The following HPCAL1 variants were observed in gnomAD, a reference collection of about 807,000 sequenced individuals.
The protein encoded by HPCAL1 is hippocalcin-like protein 1.
HPCAL1 carries 8 observed loss-of-function variants against 17.1 expected under a neutral mutation model. The observed-to-expected ratio is 0.47, with a 90% CI of 0.27 to 0.84. The LOEUF (loss-of-function observed/expected upper bound fraction) is 0.84, where lower values mean the gene tolerates loss of function less well. Ranked by LOEUF, HPCAL1 falls within the 40% of genes least tolerant of loss-of-function variation. The pLI is 0.13. For synonymous variants in HPCAL1, 112 were observed against 111.4 expected, an observed-to-expected ratio of 1.01 and a Z score of -0.03; for missense variants, 165 against 271.1, an observed-to-expected ratio of 0.61 and a Z score of 2.75.
At chr2:10,319,753 A>G (rs1191870137) in intron 1 of HPCAL1, among the ~76,000 whole-genome samples, 2 of 151,232 alleles carry the variant, frequency 1.3e-5, no homozygotes, top group Non-Finnish European at 2.9e-5. Context: ...TCACTCATTC[A>G]CTCATTCATT....
chr2:10,391,909 C>A (rs542031091), intron 1 of HPCAL1, among the ~76,000 whole-genome samples: 1 of 151,688 alleles, frequency 6.6e-6, no homozygotes, highest in African/African-American at 2.4e-5. Flanking sequence ...CCACCACACC[C>A]GGCTAATGTT....
rs879644173 is a variant in HPCAL1 at position 10,387,044 on chromosome 2, G to A, written c.-110-9791G>A. On this transcript the variant is annotated intron_variant, in intron 1 of 4. Transcript: ENST00000307845. Reference sequence around the variant, plus strand: ...CTGGTGCAGTGCTGGTGGCTGTGTCGCCCGGGGCAAGTGGCTCAGAGCCTG... The same window carrying A: ...CTGGTGCAGTGCTGGTGGCTGTGTCACCCGGGGCAAGTGGCTCAGAGCCTG... Among the ~76,000 whole-genome samples, 7 of 152,318 alleles carry A rather than the reference G, an allele frequency of 4.6e-5. No individual in the cohort carries two copies. The East Asian group carries it at 5.8e-4, about 13-fold the overall frequency.
chr2:10,349,383 T>C (rs6719750), intron 1 of HPCAL1, among the ~76,000 whole-genome samples: 94 of 151,972 alleles, frequency 6.2e-4, no homozygotes, highest in African/African-American at 1.8e-3. Flanking sequence ...AGTTGGGTAA[T>C]TGAAAAAGAT....
chr2:10,399,755 G>A (rs1036246427), intron 2 of HPCAL1, among the ~76,000 whole-genome samples: 9 of 152,226 alleles, frequency 5.9e-5, no homozygotes, highest in Middle Eastern at 3.4e-3. Context: ...GCCGCTCCCC[G>A]GGCAGTGGAG....
intron 1 of HPCAL1, among the ~76,000 whole-genome samples, chr2:10,375,326 G>A (rs1213311880): frequency 6.6e-6 from 1 of 152,206 alleles, no homozygotes; most frequent in African/African-American, 2.4e-5. Context: ...GAATTCACCA[G>A]GCAGGACAGG....
At chr2:10,374,171 G>A (rs973907436) in intron 1 of HPCAL1, among the ~76,000 whole-genome samples, 1 of 151,540 alleles carries the variant, frequency 6.6e-6, no homozygotes, top group Non-Finnish European at 1.5e-5. Flanking sequence ...CCCGAGTCTC[G>A]AATCCCCAGT....
Position 10,410,436 on chromosome 2 carries a change from C to CTTTTTTTTTTT in HPCAL1, c.-24-9283_-24-9273dup, listed in dbSNP as rs36002921. On this transcript the variant is annotated intron_variant, in intron 2 of 4. Transcript: ENST00000307845. ...CCTTGTTCCTCTTTTTCTTCTTCTT[C>CTTTTTTTTTTT]TTTTTTTTTTTTTTTTTTTTTTTTT... Among the ~76,000 whole-genome samples, 31 of 77,520 alleles carry CTTTTTTTTTTT rather than the reference C, an allele frequency of 4.0e-4. 1 individual carries two copies. The highest frequency in any genetic ancestry group is 7.6e-4 in the Admixed American group (4 of 5,276). 50.9% of individuals were successfully genotyped at this position (77,520 alleles called of 152,430 possible).
chr2:10,309,261 C>T (rs926383524), intron 1 of HPCAL1, among the ~76,000 whole-genome samples: 4 of 152,054 alleles, frequency 2.6e-5, no homozygotes, highest in East Asian at 1.9e-4. Context: ...CTTGAGCTCC[C>T]GGGCTCAAAT....
intron 2 of HPCAL1, among the ~76,000 whole-genome samples, chr2:10,399,557 T>C (rs999546217): frequency 0.029 from 2,400 of 83,122 alleles, 69 homozygotes; most frequent in Middle Eastern, 0.065. Context: ...CCGCCACCAC[T>C]ACCGCCACCG....
Position 10,321,513 on chromosome 2 carries a change from A to G in HPCAL1, c.-111+18336A>G, listed in dbSNP as rs1021387574. ...TGAAAGTCGCCATTTAAAAATGTAC[A>G]ATTCAGTTGCTTTTAGTATACTGGC... On this transcript the variant is annotated intron_variant, in intron 1 of 4. Coordinates refer to ENST00000307845, the MANE Select transcript of HPCAL1 (RefSeq NM_002149.4). Among the ~76,000 whole-genome samples the G allele has an allele frequency of 2.0e-5, 3 of 152,096 alleles. No homozygotes were observed. The East Asian group carries it at 5.8e-4, about 29-fold the overall frequency.
rs113231486 is a variant in HPCAL1 at position 10,356,011 on chromosome 2, C to T, written c.-110-40824C>T. Among the ~76,000 whole-genome samples the T allele has an allele frequency of 2.5e-3, 374 of 152,260 alleles. 1 individual carries two copies. Among genetic ancestry groups the T allele is most frequent in the Middle Eastern group, 0.01 (3 of 294 alleles). ...CAGCTCAGTAATTCACCCCAGGGACCGCACAGAGCAGGTGGGATGGTATTG... is the reference window on the plus strand; with the variant it reads ...CAGCTCAGTAATTCACCCCAGGGACTGCACAGAGCAGGTGGGATGGTATTG... On this transcript the variant is annotated intron_variant, in intron 1 of 4. Transcript: ENST00000307845.
chr2:10,413,700 G>A (rs946639617), intron 2 of HPCAL1, among the ~76,000 whole-genome samples: 1 of 152,208 alleles, frequency 6.6e-6, no homozygotes. Flanking sequence ...CTTTCTATAC[G>A]CATCTGTGAT....
intron 1 of HPCAL1, among the ~76,000 whole-genome samples, chr2:10,386,095 G>A (rs1178877269): frequency 2.6e-5 from 4 of 152,156 alleles, no homozygotes; most frequent in South Asian, 2.1e-4. Flanking sequence ...TGAACATCTC[G>A]GACTTTCACA....
chr2:10,384,431 C>T lies in HPCAL1; in HGVS notation c.-110-12404C>T, dbSNP rs1158231619. Among the ~76,000 whole-genome samples the T allele has an allele frequency of 6.6e-6, 1 of 152,222 alleles. No individual in the cohort carries two copies. The highest frequency in any genetic ancestry group is 1.5e-5 in the Non-Finnish European group (1 of 68,030). ...GAGCCCAGGTTACCATCTGTGGTGT[C>T]CCCTCGCTCACACTCACTACTGCCC... On this transcript the variant is annotated intron_variant, in intron 1 of 4. Transcript: ENST00000307845. The surrounding 1 kb of genome is among the most constrained non-coding windows in gnomAD (Gnocchi z 4.4).
rs543877794 is a variant in HPCAL1 at position 10,326,514 on chromosome 2, G to A, written c.-111+23337G>A. ...GGGGGGAATTGGCCGCCTGGGGTGC[G>A]TGCTGGCCTGCCTGCCTTCCGCTTC... is the stretch of plus-strand genomic sequence containing the variant. On this transcript the variant is annotated intron_variant, in intron 1 of 4. Transcript: ENST00000307845. Among the ~76,000 whole-genome samples the A allele has an allele frequency of 1.6e-4, 24 of 152,298 alleles. No individual in the cohort carries two copies. In the East Asian group the frequency reaches 2.3e-3, roughly 15 times the overall value.
chr2:10,387,486 G>A (rs538433395), intron 1 of HPCAL1, among the ~76,000 whole-genome samples: 1 of 152,218 alleles, frequency 6.6e-6, no homozygotes, highest in Non-Finnish European at 1.5e-5. Context: ...CCATCTAGGT[G>A]GGCACAGGGA....
At chr2:10,326,489 G>C (rs113005554) in intron 1 of HPCAL1, among the ~76,000 whole-genome samples, 17 of 152,176 alleles carry the variant, frequency 1.1e-4, no homozygotes, top group Admixed American at 3.9e-4. Context: ...GGAGACTTGT[G>C]GGGGGAATTG....
chr2:10,311,038 C>T (rs1662924181), intron 1 of HPCAL1, among the ~76,000 whole-genome samples: 1 of 152,112 alleles, frequency 6.6e-6, no homozygotes, highest in Admixed American at 6.5e-5. Flanking sequence ...TGCAGTTTTC[C>T]GTATTTACTG....
rs1001591367 is a variant in HPCAL1, at chr2:10,342,441, C to T, written c.-111+39264C>T. 6.6e-5 allele frequency among the ~76,000 whole-genome samples: 10 copies of T among 151,516 alleles called. No homozygotes were observed. The highest frequency in any genetic ancestry group is 2.2e-4 in the African/African-American group (9 of 41,184). The stretch of plus-strand genomic sequence containing the variant: ...ACATGTGCAGTCCGTGCCTCCAGCG[C>T]GCAGCCTGAAAGGGAGGCGTGCAGA... On this transcript the variant is annotated intron_variant, in intron 1 of 4. Transcript: ENST00000307845. The surrounding 1 kb of genome is among the most constrained non-coding windows in gnomAD (Gnocchi z 4.1).
Sources: allele counts gnomAD v4.1 joint callset (sites outside exome capture counted in the v4.1 genomes callset), GRCh38; gene constraint gnomAD v4.1.1; non-coding constraint Gnocchi (gnomAD v3.1); transcripts MANE v1.5; gene names NCBI Gene and HGNC (gene_info 2026-07-23, HGNC 2026-07-21).